Variants in PRTFDC1 observed in about 807,000 individuals in gnomAD.
PRTFDC1 encodes phosphoribosyl transferase domain containing 1, also known as phosphoribosyltransferase domain-containing protein 1.
Under a neutral mutation model 34.6 loss-of-function variants are expected in PRTFDC1, and 38 were observed. That is an observed-to-expected ratio of 1.10 (90% CI 0.85 to 1.44). PRTFDC1 has a LOEUF of 1.44. PRTFDC1 is among the 40% of genes most tolerant of loss of function. The probability of loss-of-function intolerance (pLI) is 0.00; values close to 1 mark genes in which losing one functional copy is unlikely to be tolerated. For missense variants in PRTFDC1, 270 were observed against 283.0 expected (o/e 0.95, Z 0.33); for synonymous variants, 93 against 98.1 (o/e 0.95, Z 0.31).
At chr10:24,872,130 C>T in intron 3 of PRTFDC1, 67 bp from the exon 4 acceptor site, 1 of 1,368,746 alleles carries the variant, frequency 7.3e-7, no homozygotes, top group East Asian at 2.3e-5. Context: ...AGCACATTTT[C>T]CTGTCTACCC....
intron 8 of PRTFDC1, 43 bp downstream of exon 8, chr10:24,851,345 T>A (rs1196945715): frequency 6.3e-7 from 1 of 1,584,476 alleles, no homozygotes; most frequent in South Asian, 1.2e-5. Flanking sequence ...AATTGTTAAG[T>A]TCTTATAAAA....
At chr10:24,889,402 C>T (rs1848224531) in intron 3 of PRTFDC1, among the ~76,000 whole-genome samples, 1 of 152,172 alleles carries the variant, frequency 6.6e-6, no homozygotes, top group Admixed American at 6.5e-5. Context: ...TATTTTGTTA[C>T]AGCAGCCCAT....
chr10:24,857,123 T>A, intron 5 of PRTFDC1, 128 bp from the exon 6 acceptor site: 1 of 801,130 alleles, frequency 1.2e-6, no homozygotes, highest in Non-Finnish European at 2.1e-6. Flanking sequence ...GGAGCCACAG[T>A]AGGAGGAAGA....
intron 3 of PRTFDC1, among the ~76,000 whole-genome samples, chr10:24,904,291 C>G (rs915721786): frequency 1.4e-5 from 2 of 140,448 alleles, no homozygotes; most frequent in African/African-American, 2.6e-5. Flanking sequence ...CACACACACA[C>G]ACAAGGAATC....
intron 5 of PRTFDC1, among the ~76,000 whole-genome samples, 191 bp from the exon 6 acceptor site, chr10:24,857,186 G>A (rs1451930558): frequency 2.0e-5 from 3 of 152,088 alleles, no homozygotes. Flanking sequence ...TGAGTTTTGG[G>A]GAATCTACTG....
chr10:24,856,620 A>G (rs1256925487), intron 6 of PRTFDC1, among the ~76,000 whole-genome samples: 1 of 152,194 alleles, frequency 6.6e-6, no homozygotes, highest in Non-Finnish European at 1.5e-5. Flanking sequence ...AACAAAAAAA[A>G]TGAAGGGAGC....
intron 3 of PRTFDC1, among the ~76,000 whole-genome samples, chr10:24,917,852 C>T (rs569050709): frequency 2.0e-5 from 3 of 152,236 alleles, no homozygotes; most frequent in Admixed American, 2.0e-4. Context: ...TTGGTGGGGG[C>T]TACGAGTGGT....
intron 3 of PRTFDC1, among the ~76,000 whole-genome samples, chr10:24,900,764 A>G (rs1192923370): frequency 6.6e-6 from 1 of 152,210 alleles, no homozygotes; most frequent in African/African-American, 2.4e-5. Flanking sequence ...CATTTTGTAC[A>G]TGTTTATATT....
At chr10:24,911,774 G>A (rs1034600823) in intron 3 of PRTFDC1, among the ~76,000 whole-genome samples, 1 of 152,056 alleles carries the variant, frequency 6.6e-6, no homozygotes, top group Non-Finnish European at 1.5e-5. Flanking sequence ...GGCTGAGGCA[G>A]GAGAATCACT....
intron 3 of PRTFDC1, among the ~76,000 whole-genome samples, chr10:24,892,592 G>A (rs554313659): frequency 4.3e-4 from 66 of 151,874 alleles, no homozygotes; most frequent in Non-Finnish European, 7.9e-4. Flanking sequence ...TGATTCTTAC[G>A]GGAAAATGAC....
intron 4 of PRTFDC1, among the ~76,000 whole-genome samples, chr10:24,869,295 G>T (rs1355469825): frequency 6.6e-6 from 1 of 151,564 alleles, no homozygotes; most frequent in African/African-American, 2.4e-5. Context: ...CATTGTAGCA[G>T]CCTACTATCC....
At chr10:24,941,050 GTGTGTGTGTGTT>G (rs1404829264) in intron 2 of PRTFDC1, among the ~76,000 whole-genome samples, 2 of 150,898 alleles carry the variant, frequency 1.3e-5, no homozygotes, top group African/African-American at 2.4e-5. Context: ...GTGTGTGTGT[GTGTGTGTGTGTT>G]TGTGTGTTTG....
At chr10:24,933,329 A>C (rs1335789752) in intron 3 of PRTFDC1, among the ~76,000 whole-genome samples, 4 of 152,136 alleles carry the variant, frequency 2.6e-5, no homozygotes, top group Non-Finnish European at 2.9e-5. Flanking sequence ...TGACTAAAAA[A>C]TATATCAAAA....
At chr10:24,951,900 A>G (rs1163604533) in intron 1 of PRTFDC1, among the ~76,000 whole-genome samples, 2 of 152,018 alleles carry the variant, frequency 1.3e-5, no homozygotes, top group Admixed American at 6.6e-5. Context: ...CATCCTCCCA[A>G]TTGGCTCCAG....
At chr10:24,863,912 C>G (rs763423443) in intron 4 of PRTFDC1, among the ~76,000 whole-genome samples, 29 of 143,412 alleles carry the variant, frequency 2.0e-4, no homozygotes, top group Admixed American at 6.7e-4. Context: ...CCTGTCTCTA[C>G]AAAAAATGAG....
intron 4 of PRTFDC1, among the ~76,000 whole-genome samples, chr10:24,865,548 C>G (rs1388223319): frequency 6.6e-6 from 1 of 152,106 alleles, no homozygotes; most frequent in African/African-American, 2.4e-5. Context: ...GGCAAAAACT[C>G]TATGAGGAAT....
At chr10:24,851,560 G>T (rs1437670989) in intron 7 of PRTFDC1, 96 bp from the exon 8 acceptor site, 1 of 1,526,444 alleles carries the variant, frequency 6.6e-7, no homozygotes, top group African/African-American at 1.4e-5. Context: ...CAAACTTGAG[G>T]ACCTTTCATT....
Position 24,866,360 on chromosome 10 carries a change from C to CAA in PRTFDC1, c.405+5636_405+5637dup, listed in dbSNP as rs372329425. ...TGGGCGATAGAGCGAGATTCTGCCTCAAAAAAAAAAAAAAAAAAAAGAAAA... is the reference window on the plus strand; with the variant it reads ...TGGGCGATAGAGCGAGATTCTGCCTCAAAAAAAAAAAAAAAAAAAAAAGAAAA... On this transcript the variant is annotated intron_variant, in intron 4 of 8. Coordinates refer to ENST00000320152, the MANE Select transcript of PRTFDC1 (RefSeq NM_020200.7). Among the ~76,000 whole-genome samples the CAA allele has an allele frequency of 4.4e-4, 23 of 51,686 alleles. 1 individual carries two copies. The highest frequency in any genetic ancestry group is 6.5e-4 in the Non-Finnish European group (16 of 24,454). The allele number at this position is 51,686 out of a possible 152,430, so 33.9% of individuals were successfully genotyped here.
intron 3 of PRTFDC1, among the ~76,000 whole-genome samples, chr10:24,917,188 G>T (rs1306503008): frequency 6.6e-6 from 1 of 152,196 alleles, no homozygotes; most frequent in Non-Finnish European, 1.5e-5. Flanking sequence ...CATCAGGGAA[G>T]TAAACCATTC....
Sources: allele counts gnomAD v4.1 joint callset (sites outside exome capture counted in the v4.1 genomes callset), GRCh38; gene constraint gnomAD v4.1.1; transcripts MANE v1.5; gene names NCBI Gene and HGNC (gene_info 2026-07-23, HGNC 2026-07-21).